NRG1: variants seen among roughly 807,000 people sequenced by gnomAD.
The protein encoded by NRG1 is neuregulin 1.
In NRG1, 18 loss-of-function variants were observed where a neutral mutation model predicts 63.8. The ratio of observed to expected loss-of-function variants is 0.28; its 90% CI spans 0.19 to 0.42. The LOEUF (loss-of-function observed/expected upper bound fraction) is 0.42, where lower values mean the gene tolerates loss of function less well. Among genes scored for constraint, NRG1 ranks in the 10% least tolerant of loss-of-function variants. The pLI is 1.00. For missense variants in NRG1, 762 were observed against 814.7 expected (o/e 0.94, Z 0.79); for synonymous variants, 302 against 301.3 (o/e 1.00, Z -0.02).
At chr8:31,734,844 A>C in intron 1 of NRG1, among the ~76,000 whole-genome samples, 1 of 152,014 alleles carries the variant, frequency 6.6e-6, no homozygotes, top group East Asian at 1.9e-4. Flanking sequence ...TTTTATTCTA[A>C]GTCTCCCTAG....
intron 1 of NRG1, among the ~76,000 whole-genome samples, chr8:31,860,135 T>C (rs1382979497): frequency 1.3e-5 from 2 of 152,200 alleles, no homozygotes; most frequent in African/African-American, 2.4e-5. Context: ...CTTCCATATA[T>C]AGGTTTGCAA....
chr8:32,513,749 A>G (rs902312792), intron 1 of NRG1, among the ~76,000 whole-genome samples: 4 of 152,168 alleles, frequency 2.6e-5, no homozygotes, highest in Admixed American at 6.6e-5. Context: ...ACAAAACTTT[A>G]TGAAATAGGA....
intron 1 of NRG1, among the ~76,000 whole-genome samples, chr8:32,448,766 G>T (rs547259302): frequency 6.6e-6 from 1 of 152,260 alleles, no homozygotes; most frequent in Non-Finnish European, 1.5e-5. Context: ...GGTCCCCCCT[G>T]CCACTGCCCT....
At chr8:32,686,069 A>G (rs977912596) in intron 5 of NRG1, among the ~76,000 whole-genome samples, 1 of 152,234 alleles carries the variant, frequency 6.6e-6, no homozygotes, top group Non-Finnish European at 1.5e-5. Flanking sequence ...TATCATTACA[A>G]TTGCTGCCTT....
At chr8:32,111,992 A>G (rs941432282) in intron 1 of NRG1, among the ~76,000 whole-genome samples, 1 of 152,142 alleles carries the variant, frequency 6.6e-6, no homozygotes, top group Non-Finnish European at 1.5e-5. Context: ...ATGAAAGGGG[A>G]AAAATGGTGG....
chr8:32,608,844 C>A (rs1845800931), intron 3 of NRG1, among the ~76,000 whole-genome samples: 1 of 152,162 alleles, frequency 6.6e-6, no homozygotes, highest in African/African-American at 2.4e-5. Flanking sequence ...CCCACGTGGC[C>A]ATATTCTTCA....
intron 7 of NRG1, among the ~76,000 whole-genome samples, chr8:32,750,305 C>CA: frequency 6.6e-6 from 1 of 152,190 alleles, no homozygotes. Flanking sequence ...TTCACACTGT[C>CA]AAAGTAAAAG....
intron 1 of NRG1, among the ~76,000 whole-genome samples, chr8:31,835,681 C>T (rs1292879525): frequency 6.6e-6 from 1 of 152,108 alleles, no homozygotes; most frequent in African/African-American, 2.4e-5. Context: ...TATAGTTGCC[C>T]TTGCTATTCA....
intron 1 of NRG1, among the ~76,000 whole-genome samples, chr8:31,776,136 T>A (rs1819110616): frequency 1.3e-5 from 2 of 152,146 alleles, no homozygotes; most frequent in African/African-American, 4.8e-5. Flanking sequence ...AATTTTTAGG[T>A]TTTGTCATTT....
chr8:31,938,294 C>A (rs1585909907), intron 1 of NRG1, among the ~76,000 whole-genome samples: 1 of 152,160 alleles, frequency 6.6e-6, no homozygotes, highest in East Asian at 1.9e-4. Context: ...GTGGCTAGAC[C>A]CAGAAGAGCA....
intron 1 of NRG1, among the ~76,000 whole-genome samples, chr8:32,266,879 CAAA>C (rs60715824): frequency 0.061 from 6,832 of 112,782 alleles, 182 homozygotes; most frequent in East Asian, 0.13. Context: ...ACTAAAAATA[CAAA>C]AAAAAAAAAA....
chr8:32,640,595 C>T (rs1852175403), intron 5 of NRG1, among the ~76,000 whole-genome samples: 1 of 139,626 alleles, frequency 7.2e-6, no homozygotes, highest in African/African-American at 2.7e-5. Context: ...CCAGTGGAGT[C>T]CTTCATCCCA....
intron 9 of NRG1, among the ~76,000 whole-genome samples, chr8:32,757,362 G>C (rs891830461): frequency 1.3e-5 from 2 of 151,952 alleles, no homozygotes; most frequent in African/African-American, 4.8e-5. Flanking sequence ...TTATTGCTCT[G>C]ATGTATGGTT....
At chr8:32,007,305 C>T (rs1370220296) in intron 1 of NRG1, among the ~76,000 whole-genome samples, 1 of 152,042 alleles carries the variant, frequency 6.6e-6, no homozygotes, top group Non-Finnish European at 1.5e-5. Flanking sequence ...CATACTGGCT[C>T]TGACCTTCAT....
chr8:32,637,738 T>A (rs1851600844), intron 5 of NRG1, among the ~76,000 whole-genome samples: 1 of 152,212 alleles, frequency 6.6e-6, no homozygotes, highest in Admixed American at 6.5e-5. Context: ...TCAGGTAGCG[T>A]CTAATCTCCA....
chr8:32,238,434 T>C (rs1847791757), intron 1 of NRG1, among the ~76,000 whole-genome samples: 1 of 149,774 alleles, frequency 6.7e-6, no homozygotes, highest in South Asian at 2.1e-4. Flanking sequence ...ATAGAGACTC[T>C]TTCTCAAAAA....
intron 1 of NRG1, among the ~76,000 whole-genome samples, chr8:31,914,248 T>C (rs1833186951): frequency 6.6e-6 from 1 of 152,218 alleles, no homozygotes; most frequent in South Asian, 2.1e-4. Flanking sequence ...TCATTTTGCC[T>C]TAAAACGCAA....
chr8:32,132,804 T>A (rs981471104), intron 1 of NRG1, among the ~76,000 whole-genome samples: 1 of 152,166 alleles, frequency 6.6e-6, no homozygotes, highest in African/African-American at 2.4e-5. Context: ...CTGTTTTCAC[T>A]TAAAACTCTC....
At chr8:31,898,113 A>G (rs1335039882) in intron 1 of NRG1, among the ~76,000 whole-genome samples, 1 of 151,976 alleles carries the variant, frequency 6.6e-6, no homozygotes, top group Non-Finnish European at 1.5e-5. Flanking sequence ...AAATCAAACC[A>G]ATATACATCT....
Sources: allele counts gnomAD v4.1 joint callset (sites outside exome capture counted in the v4.1 genomes callset), GRCh38; gene constraint gnomAD v4.1.1; transcripts MANE v1.5; gene names NCBI Gene and HGNC (gene_info 2026-07-23, HGNC 2026-07-21).